The following FRMD4A variants were observed in gnomAD, a reference collection of about 807,000 sequenced individuals.
FRMD4A encodes the protein FERM domain-containing protein 4A.
Under a neutral mutation model 129.1 loss-of-function variants are expected in FRMD4A, and 29 were observed. That is an observed-to-expected ratio of 0.22 (90% confidence interval 0.17 to 0.31). FRMD4A has a LOEUF of 0.31. Ranked by LOEUF, FRMD4A falls within the 10% of genes least tolerant of loss-of-function variation. The pLI, the probability that FRMD4A is intolerant of heterozygous loss-of-function variation, is 1.00. For missense variants in FRMD4A, 1,272 were observed against 1,375.8 expected, an observed-to-expected ratio of 0.92 and a Z score of 1.19; for synonymous variants, 634 against 571.6, an observed-to-expected ratio of 1.11 and a Z score of -1.56.
In FRMD4A at chr10:14,109,840, C is replaced by T. The variant is rs546617703; in HGVS notation, c.45+220218G>A. 1.5e-4 allele frequency among the ~76,000 whole-genome samples: 23 copies of T among 151,638 alleles called. No individual in the cohort carries two copies. The South Asian group carries it at 4.6e-3, about 30-fold the overall frequency. On this transcript the variant is annotated intron_variant, in intron 2 of 24. Coordinates refer to ENST00000357447, the MANE Select transcript of FRMD4A (RefSeq NM_018027.5). Reference sequence around the variant, plus strand: ...TACAAAAATTAGCCGGGTGTGGTGGCGGGCGCCTGTAATCCCAGCGACTCA... The same window carrying T: ...TACAAAAATTAGCCGGGTGTGGTGGTGGGCGCCTGTAATCCCAGCGACTCA...
intron 2 of FRMD4A, among the ~76,000 whole-genome samples, chr10:14,063,730 C>G (rs981881938): frequency 6.6e-6 from 1 of 151,928 alleles, no homozygotes. Context: ...CGTTTTAAAC[C>G]ACACAATCTT....
At chr10:13,820,479 T>C (rs1236050600) in intron 3 of FRMD4A, among the ~76,000 whole-genome samples, 1 of 151,960 alleles carries the variant, frequency 6.6e-6, no homozygotes, top group Non-Finnish European at 1.5e-5. Context: ...TGTTAACCTA[T>C]TCCCTTGGGG....
chr10:14,321,200 A>G (rs1297482400), intron 2 of FRMD4A, among the ~76,000 whole-genome samples: 1 of 152,142 alleles, frequency 6.6e-6, no homozygotes, highest in Non-Finnish European at 1.5e-5. Flanking sequence ...TGAATGGATG[A>G]ATGAATGAAA....
intron 2 of FRMD4A, among the ~76,000 whole-genome samples, chr10:14,184,412 C>T (rs1032462032): frequency 6.6e-6 from 1 of 151,190 alleles, no homozygotes; most frequent in East Asian, 1.9e-4. Flanking sequence ...GCAACTGAAC[C>T]CATTTTCTAT....
At chr10:14,118,818 G>T (rs1257057626) in intron 2 of FRMD4A, among the ~76,000 whole-genome samples, 38 of 152,150 alleles carry the variant, frequency 2.5e-4, no homozygotes, top group Admixed American at 2.4e-3. Flanking sequence ...CCCTTGACAT[G>T]TGGGGATTAT....
chr10:14,237,859 C>T (rs1358808696), intron 2 of FRMD4A, among the ~76,000 whole-genome samples: 3 of 152,184 alleles, frequency 2.0e-5, no homozygotes, highest in African/African-American at 4.8e-5. Context: ...AGGCTGCTGG[C>T]GAGGGTCCTC....
chr10:14,003,100 C>T (rs1484876581), intron 2 of FRMD4A, among the ~76,000 whole-genome samples: 1 of 152,090 alleles, frequency 6.6e-6, no homozygotes, highest in Admixed American at 6.5e-5. Context: ...AGCACAGTGG[C>T]TGCAGCACAG....
At chr10:13,650,907 C>T (rs1444918898) in intron 24 of FRMD4A, among the ~76,000 whole-genome samples, 1 of 151,764 alleles carries the variant, frequency 6.6e-6, no homozygotes, top group Non-Finnish European at 1.5e-5. Flanking sequence ...GAAAGTGACC[C>T]CCTCATTTCT....
At chr10:14,061,729 G>A (rs1834824251) in intron 2 of FRMD4A, among the ~76,000 whole-genome samples, 1 of 152,150 alleles carries the variant, frequency 6.6e-6, no homozygotes. Flanking sequence ...AGATGCATAG[G>A]AGGAAATACC....
chr10:13,904,835 A>C (rs1473229899), intron 2 of FRMD4A, among the ~76,000 whole-genome samples: 1 of 152,060 alleles, frequency 6.6e-6, no homozygotes, highest in East Asian at 1.9e-4. Context: ...TCTACTAAAA[A>C]ATACAAAAAT....
intron 2 of FRMD4A, among the ~76,000 whole-genome samples, chr10:14,247,912 C>T (rs546394391): frequency 8.2e-4 from 124 of 150,374 alleles, no homozygotes; most frequent in South Asian, 1.6e-3. Context: ...ACAGCATTTT[C>T]GTAAGTTAAA....
At chr10:14,173,717 A>T (rs1297479219) in intron 2 of FRMD4A, among the ~76,000 whole-genome samples, 1 of 152,068 alleles carries the variant, frequency 6.6e-6, no homozygotes, top group Non-Finnish European at 1.5e-5. Context: ...CACGGCCCCA[A>T]AGCAAGAGTG....
chr10:13,907,517 C>T (rs1156482226), intron 2 of FRMD4A, among the ~76,000 whole-genome samples: 1 of 152,130 alleles, frequency 6.6e-6, no homozygotes, highest in East Asian at 1.9e-4. Flanking sequence ...ATGCCACAAC[C>T]GCCGATTCTT....
intron 2 of FRMD4A, among the ~76,000 whole-genome samples, chr10:14,111,358 T>C (rs1024338050): frequency 6.6e-6 from 1 of 152,188 alleles, no homozygotes; most frequent in Non-Finnish European, 1.5e-5. Flanking sequence ...ATGCCATGGG[T>C]TTCCCTGAGG....
chr10:13,901,577 C>G (rs570917365), intron 2 of FRMD4A, among the ~76,000 whole-genome samples: 1 of 149,142 alleles, frequency 6.7e-6, no homozygotes, highest in African/African-American at 2.5e-5. Context: ...CCACTGCACT[C>G]CAGCATGGGC....
intron 2 of FRMD4A, among the ~76,000 whole-genome samples, chr10:13,912,800 G>A (rs1454127925): frequency 2.6e-5 from 4 of 152,120 alleles, no homozygotes; most frequent in Admixed American, 6.5e-5. Context: ...TTGGCTGGGC[G>A]TGGTGGCTCA....
intron 2 of FRMD4A, among the ~76,000 whole-genome samples, chr10:14,113,874 C>T (rs967358797): frequency 6.6e-5 from 10 of 152,092 alleles, no homozygotes; most frequent in South Asian, 6.2e-4. Context: ...AAAAGCACAC[C>T]TTTATCTGTA....
intron 2 of FRMD4A, among the ~76,000 whole-genome samples, chr10:14,138,767 GAAAA>G (rs201344017): frequency 6.7e-6 from 1 of 149,908 alleles, no homozygotes; most frequent in Admixed American, 6.6e-5. Flanking sequence ...AAAAAAAAAA[GAAAA>G]AAAGAAAAAA....
At chr10:13,666,374 G>A (rs1358921641) in intron 17 of FRMD4A, 49 bp from the exon 18 acceptor site, 6 of 1,320,416 alleles carry the variant, frequency 4.5e-6, no homozygotes, top group Non-Finnish European at 5.5e-6. Flanking sequence ...GCTGAGCAGG[G>A]AGACCCTCAT....
Sources: allele counts gnomAD v4.1 joint callset (sites outside exome capture counted in the v4.1 genomes callset), GRCh38; gene constraint gnomAD v4.1.1; transcripts MANE v1.5; gene names NCBI Gene and HGNC (gene_info 2026-07-23, HGNC 2026-07-21).